Variants in USP48 observed in about 807,000 individuals in gnomAD.
USP48 encodes ubiquitin specific peptidase 48.
A neutral mutation model predicts 150.7 loss-of-function variants in USP48; 43 were observed. That is an observed-to-expected ratio of 0.29 (90% CI 0.22 to 0.37). The LOEUF (loss-of-function observed/expected upper bound fraction) is 0.37, where lower values mean the gene tolerates loss of function less well. USP48 is among the 10% of genes least tolerant of loss of function. The pLI is 1.00. For synonymous variants in USP48, 396 were observed against 425.9 expected (o/e 0.93, Z 0.86); for missense variants, 813 against 1,249.6 (o/e 0.65, Z 5.27).
chr1:21,713,975 G>A (rs149555733), intron 15 of USP48, among the ~76,000 whole-genome samples: 11 of 152,182 alleles, frequency 7.2e-5, no homozygotes, highest in African/African-American at 2.2e-4. Flanking sequence ...CACTCACTTC[G>A]CAAGCTAAAG....
intron 23 of USP48, among the ~76,000 whole-genome samples, chr1:21,693,131 A>G (rs1204328855): frequency 6.6e-6 from 1 of 152,058 alleles, no homozygotes; most frequent in Non-Finnish European, 1.5e-5. Flanking sequence ...AAAATATTCT[A>G]CTTTCTCAGG....
At chr1:21,732,262 C>T (rs2097758735) in intron 9 of USP48, among the ~76,000 whole-genome samples, 1 of 102,414 alleles carries the variant, frequency 9.8e-6, no homozygotes, top group Non-Finnish European at 2.5e-5. Context: ...CTGGGCGACA[C>T]AGTGAGACTC....
chr1:21,772,540 G>A (rs1289604699), intron 1 of USP48, among the ~76,000 whole-genome samples: 1 of 150,808 alleles, frequency 6.6e-6, no homozygotes, highest in Non-Finnish European at 1.5e-5. Context: ...GGAGAACGGT[G>A]TGAACCCGGG....
At chr1:21,737,627 A>G (rs961522066) in intron 8 of USP48, among the ~76,000 whole-genome samples, 1 of 152,216 alleles carries the variant, frequency 6.6e-6, no homozygotes, top group African/African-American at 2.4e-5. Context: ...TCCACTATAC[A>G]TGTTCTGTTA....
rs2097813040 is a variant in USP48, at chr1:21,751,385, T to C, written c.774+122A>G. On this transcript the variant is annotated intron_variant, in intron 6 of 26. Transcript: ENST00000308271. ...GTGTCTTCTGGATCATTACAGATGC[T>C]TCTTATGTAGAAAAAGCTGACACAA... The C allele has an allele frequency of 9.6e-6, 7 of 732,716 alleles. No individual in the cohort carries two copies. The South Asian group carries it at 1.2e-4, about 13-fold the overall frequency. The allele number at this position is 732,716 out of a possible 1,614,324, so 45.4% of individuals were successfully genotyped here.
At chr1:21,734,733 CTG>C (rs566050838) in intron 9 of USP48, among the ~76,000 whole-genome samples, 1,907 of 152,294 alleles carry the variant, frequency 0.013, 14 homozygotes, top group African/African-American at 0.022. Context: ...TCTCACTGTG[CTG>C]TGTGTTAGAT....
chr1:21,739,518 C>CAAAAAAAAAAAAAAAAAAAAAAAAA, intron 8 of USP48, among the ~76,000 whole-genome samples: 1 of 66,292 alleles, frequency 1.5e-5, no homozygotes, highest in Non-Finnish European at 2.5e-5. Flanking sequence ...GACTCCGTCT[C>CAAAAAAAAAAAAAAAAAAAAAAAAA]AAAAAAAAAA....
intron 15 of USP48, 67 bp downstream of exon 15, chr1:21,715,322 C>A: frequency 7.9e-7 from 1 of 1,272,758 alleles, no homozygotes; most frequent in South Asian, 1.4e-5. Flanking sequence ...GCATGAAAGC[C>A]AGGCAGTAGA....
chr1:21,706,930 T>A, intron 15 of USP48, 62 bp from the exon 16 acceptor site: 2 of 1,528,376 alleles, frequency 1.3e-6, no homozygotes, highest in Non-Finnish European at 1.8e-6. Context: ...CATTATCTAT[T>A]TCCTATTTCT....
intron 8 of USP48, among the ~76,000 whole-genome samples, chr1:21,740,609 C>T (rs1379081271): frequency 6.6e-6 from 1 of 152,168 alleles, no homozygotes; most frequent in African/African-American, 2.4e-5. Flanking sequence ...GGACGAGTGA[C>T]AATCCTAAGG....
chr1:21,690,184 T>C, intron 23 of USP48, 85 bp from the exon 24 acceptor site: 1 of 1,212,276 alleles, frequency 8.2e-7, no homozygotes, highest in Non-Finnish European at 1.1e-6. Flanking sequence ...GCATGGATTC[T>C]TAAAAAAAAA....
At chr1:21,772,189 A>T (rs1014469579) in intron 1 of USP48, among the ~76,000 whole-genome samples, 2 of 152,230 alleles carry the variant, frequency 1.3e-5, no homozygotes, top group African/African-American at 4.8e-5. Flanking sequence ...TTATAACCTC[A>T]GAATTGGGAA....
intron 1 of USP48, among the ~76,000 whole-genome samples, chr1:21,764,660 C>G (rs1360156069): frequency 7.0e-6 from 1 of 142,876 alleles, no homozygotes; most frequent in Non-Finnish European, 1.5e-5. Flanking sequence ...GAGCCGAGAT[C>G]GTGATTGTGC....
At chr1:21,742,598 GAAA>G (rs796613599) in intron 8 of USP48, among the ~76,000 whole-genome samples, 2 of 118,996 alleles carry the variant, frequency 1.7e-5, no homozygotes, top group African/African-American at 3.6e-5. Flanking sequence ...GAAAAGAAAA[GAAA>G]AAAAGAAAAA....
intron 15 of USP48, among the ~76,000 whole-genome samples, chr1:21,708,119 C>T (rs954751372): frequency 1.1e-4 from 17 of 151,812 alleles, no homozygotes; most frequent in African/African-American, 3.9e-4. Flanking sequence ...CCAAGATAAC[C>T]ACCATTGCAC....
rs868128185 is a variant in USP48 at position 21,774,884 on chromosome 1, C to T, written c.134+7940G>A. Among the ~76,000 whole-genome samples the T allele has an allele frequency of 6.6e-4, 99 of 150,570 alleles. 1 individual carries two copies. The highest frequency in any genetic ancestry group is 2.3e-3 in the African/African-American group (94 of 41,012). On this transcript the variant is annotated intron_variant, in intron 1 of 26. Transcript: ENST00000308271. ...CCCATGCCTGTTGTCCCAGCTACTC[C>T]GGAGGCTGAGGCCCAAGAATCACTT...
intron 8 of USP48, among the ~76,000 whole-genome samples, chr1:21,745,450 G>A (rs1042996090): frequency 2.0e-5 from 3 of 152,098 alleles, no homozygotes; most frequent in Admixed American, 1.3e-4. Flanking sequence ...AGCTGGGCCT[G>A]GTGGAATATG....
Position 21,694,601 on chromosome 1 carries a change from AAAAAAAC to A in USP48, c.2883+458_2883+464del, listed in dbSNP as rs1557429289. Among the ~76,000 whole-genome samples, 117 of 70,014 alleles carry A rather than the reference AAAAAAAC, an allele frequency of 1.7e-3. 15 individuals are homozygous for A. The highest frequency in any genetic ancestry group is 2.5e-3 in the African/African-American group (55 of 21,864). The allele number at this position is 70,014 out of a possible 152,430, so 45.9% of individuals were successfully genotyped here. A position where few individuals can be genotyped will look rare whatever the true frequency, so the allele number is the denominator to read the frequency against. The stretch of plus-strand genomic sequence containing the variant: ...AAAAAAAAAAAAAAAAAAAAAAAAA[AAAAAAAC>A]CCCCTCTATCTATCAAATAGATTTA... On this transcript the variant is annotated intron_variant, in intron 23 of 26. Transcript: ENST00000308271.
In USP48 at chr1:21,752,016, C is replaced by CAAAA. The variant is rs943113295; in HGVS notation, c.666-405_666-402dup. 1.1e-3 allele frequency among the ~76,000 whole-genome samples: 67 copies of CAAAA among 63,472 alleles called. 1 individual carries two copies. Among genetic ancestry groups the CAAAA allele is most frequent in the African/African-American group, 1.7e-3 (30 of 17,166 alleles). 41.6% of individuals were successfully genotyped at this position (63,472 alleles called of 152,430 possible). ...TGGGCAACAGAGCAAGAGTCCATCTCAAAAAAAAAAAAAAAAAGAAAAGAA... is the reference window on the plus strand; with the variant it reads ...TGGGCAACAGAGCAAGAGTCCATCTCAAAAAAAAAAAAAAAAAAAAAGAAAAGAA... On this transcript the variant is annotated intron_variant, in intron 5 of 26. Transcript: ENST00000308271.
Sources: gnomAD v4.1 joint callset for allele counts (sites outside exome capture counted in the v4.1 genomes callset) on GRCh38, gnomAD v4.1.1 for gene constraint, MANE v1.5 for transcripts, NCBI Gene and HGNC (gene_info 2026-07-23, HGNC 2026-07-21) for gene names.